XG: variants seen among roughly 807,000 people sequenced by gnomAD.
XG encodes glycoprotein Xg.
XG carries 24 observed loss-of-function variants against 25.7 expected under a neutral mutation model. The ratio of observed to expected loss-of-function variants is 0.93; its 90% CI spans 0.68 to 1.31. The LOEUF (loss-of-function observed/expected upper bound fraction) is 1.31. XG is among the 40% of genes most tolerant of loss of function. The probability of loss-of-function intolerance (pLI) is 0.00; values close to 1 mark genes in which losing one functional copy is unlikely to be tolerated. For synonymous variants in XG, 77 were observed against 69.2 expected, an observed-to-expected ratio of 1.11 and a Z score of -0.56; for missense variants, 181 against 187.6, an observed-to-expected ratio of 0.96 and a Z score of 0.21.
At position 2,772,242 on chromosome X, in the gene XG, G is replaced by T. The variant is rs188307441; in HGVS notation, c.103+1651G>T. Among the ~76,000 whole-genome samples, 17 of 152,174 alleles carry T rather than the reference G, an allele frequency of 1.1e-4. No individual in the cohort carries two copies. The East Asian group carries it at 3.3e-3, about 29-fold the overall frequency. On this transcript the variant is annotated intron_variant, in intron 2 of 10. Coordinates refer to ENST00000644266, the MANE Select transcript of XG (RefSeq NM_001141919.2). ...AGATACCCAAGAGAATTGGGAGCAG[G>T]GACTCAAACAGTTATTTGTGTACCC... is the stretch of plus-strand genomic sequence containing the variant.
At chrX:2,775,141 T>C (rs1377667992) in intron 3 of XG, 3 of 208,756 alleles carry the variant, frequency 1.4e-5, no homozygotes, top group East Asian at 2.1e-4. Flanking sequence ...CTCAAAATAA[T>C]TGAAAACACG....
In XG at chrX:2,794,591, C is replaced by A. The variant is rs759454030; in HGVS notation, c.310C>A (p.Arg104=). 3.3e-6 allele frequency: 4 copies of A among 1,210,885 alleles called. No individual in the cohort carries two copies. The highest frequency in any genetic ancestry group is 4.4e-5 in the Admixed American group (2 of 45,968). ...ACGCTACCCGCCCAGGCCCAGGCCA[C>A]GGCCGCCTGCAGGTAGGTGCCGAGC... ...DGRYPPRPRP[R]PPAGGGGGGY... The change falls in exon 6 of 11, where the codon CGG becomes AGG. Residue 104 remains arginine, a synonymous_variant. Transcript: ENST00000644266.
chrX:2,808,255 T>C (rs1218200629), intron 9 of XG, 35 bp downstream of exon 9: 2 of 1,202,908 alleles, frequency 1.7e-6, no homozygotes, highest in Non-Finnish European at 2.2e-6. Context: ...CAACCTTTAA[T>C]AAGAGCACAC....
chrX:2,755,127 C>T (rs1461815063), intron 1 of XG, among the ~76,000 whole-genome samples: 7 of 152,200 alleles, frequency 4.6e-5, no homozygotes, highest in Middle Eastern at 3.4e-3. Flanking sequence ...GAAAGGGGTC[C>T]GGATCCAGAC....
intron 1 of XG, among the ~76,000 whole-genome samples, chrX:2,761,202 G>A (rs1297457917): frequency 6.6e-6 from 1 of 151,978 alleles, no homozygotes; most frequent in Admixed American, 6.6e-5. Context: ...ATGAGCTCAG[G>A]AGGTTGTGCC....
In XG at chrX:2,811,365, A is replaced by G. The variant is rs2087053962; in HGVS notation, c.484A>G (p.Ile162Val). 1 of 1,208,780 alleles carries G rather than the reference A, an allele frequency of 8.3e-7. No individual in the cohort carries two copies. Reference sequence around the variant, plus strand: ...TATGGTAGCAAAAATCGTGTCTCCCATCGTATCCGTGGTGGTGGTGACACT... The same window carrying G: ...TATGGTAGCAAAAATCGTGTCTCCCGTCGTATCCGTGGTGGTGGTGACACT... ...GNMVAKIVSPIVSVVVVTLLG... is the reference protein window; with the variant it reads ...GNMVAKIVSPVVSVVVVTLLG... The change falls in exon 10 of 11, where the codon ATC (isoleucine) becomes GTC (valine). Residue 162 changes from isoleucine (I) to valine (V), a missense_variant. Physicochemically the swap from Ile to Val is conservative, Grantham distance 29. Transcript: ENST00000644266.
intron 1 of XG, among the ~76,000 whole-genome samples, chrX:2,756,463 A>C (rs894532204): frequency 6.6e-6 from 1 of 152,242 alleles, no homozygotes; most frequent in Non-Finnish European, 1.5e-5. Context: ...TTCTAATATG[A>C]AGGAAAGACA....
intron 1 of XG, among the ~76,000 whole-genome samples, chrX:2,760,461 T>G (rs2050538114): frequency 6.6e-6 from 1 of 150,950 alleles, no homozygotes; most frequent in South Asian, 2.1e-4. Context: ...TCAGGCTGGG[T>G]GCGGTGGCTC....
chrX:2,813,902 C>T (rs907220433), intron 10 of XG, among the ~76,000 whole-genome samples: 1 of 112,297 alleles, frequency 8.9e-6, no homozygotes, highest in African/African-American at 3.2e-5. Flanking sequence ...GTTTTCAAAA[C>T]GAATATTTGT....
chrX:2,796,999 C>T (rs759065728), intron 6 of XG, among the ~76,000 whole-genome samples: 3 of 112,104 alleles, frequency 2.7e-5, no homozygotes, highest in East Asian at 2.8e-4. Flanking sequence ...GATCTCATAT[C>T]AGTTTCTCGG....
At chrX:2,798,192 C>T (rs1358370775) in intron 7 of XG, among the ~76,000 whole-genome samples, 1 of 111,485 alleles carries the variant, frequency 9.0e-6, no homozygotes, top group African/African-American at 3.3e-5. Flanking sequence ...ACCAGGGGAC[C>T]TTGAAACCCT....
rs1406668933 is a variant in XG, at chrX:2,756,598, TTAA to T, written c.61+4264_61+4266del. 6.9e-5 allele frequency among the ~76,000 whole-genome samples: 6 copies of T among 86,710 alleles called. No homozygotes were observed. In the South Asian group the frequency reaches 1.5e-3, roughly 21 times the overall value. The allele number at this position is 86,710 out of a possible 152,430, so 56.9% of individuals were successfully genotyped here. A position where few individuals can be genotyped will look rare whatever the true frequency, so the allele number is the denominator to read the frequency against. On this transcript the variant is annotated intron_variant, in intron 1 of 10. Transcript: ENST00000644266. ...CTGTTATGCATCAATTAAAAATAAATTAAAAGAAAAGGATATATGTCCAGGATA... is the reference window on the plus strand; with the variant it reads ...CTGTTATGCATCAATTAAAAATAAATAAGAAAAGGATATATGTCCAGGATA...
rs1603301035 is a variant in XG, at chrX:2,752,143, C to T, written c.-132C>T. On this transcript the variant is annotated 5_prime_UTR_variant, in exon 1 of 11. Transcript: ENST00000644266. ...TTCTGGCAGTTCCGCTCATATTTTC[C>T]ACTTGAAGACATCGCCTCCCTTCCT... 6.8e-7 allele frequency: 1 copy of T among 1,468,098 alleles called. No individual in the cohort carries two copies. Among genetic ancestry groups the T allele is most frequent in the African/African-American group, 1.4e-5 (1 of 71,156 alleles). 90.9% of individuals were successfully genotyped at this position (1,468,098 alleles called of 1,614,324 possible). A position where few individuals can be genotyped will look rare whatever the true frequency, so the allele number is the denominator to read the frequency against.
At chrX:2,808,615 A>C in intron 9 of XG, 2 of 712,093 alleles carry the variant, frequency 2.8e-6, no homozygotes, top group Non-Finnish European at 3.3e-6. Context: ...ATCAGAGTGC[A>C]CTGTCAATCC....
chrX:2,797,077 T>A (rs948290495), intron 6 of XG, among the ~76,000 whole-genome samples: 9 of 111,227 alleles, frequency 8.1e-5, no homozygotes, highest in Non-Finnish European at 1.3e-4. Context: ...GACGGCAAAG[T>A]GTTTTTGATA....
chrX:2,760,847 A>G (rs962518337), intron 1 of XG, among the ~76,000 whole-genome samples: 1 of 151,924 alleles, frequency 6.6e-6, no homozygotes, highest in African/African-American at 2.4e-5. Flanking sequence ...AGACACAGAC[A>G]TGCACACAGG....
At chrX:2,752,623 A>C (rs1350381789) in intron 1 of XG, among the ~76,000 whole-genome samples, 2 of 152,188 alleles carry the variant, frequency 1.3e-5, no homozygotes, top group Non-Finnish European at 2.9e-5. Flanking sequence ...GCGTTTAAAA[A>C]ATGACCTATT....
At chrX:2,777,009 T>C (rs1369497367) in intron 3 of XG, among the ~76,000 whole-genome samples, 2 of 152,076 alleles carry the variant, frequency 1.3e-5, no homozygotes, top group African/African-American at 4.8e-5. Context: ...TGTTGGAGAG[T>C]GATGATAGCA....
chrX:2,796,719 G>T (rs1224295117), intron 6 of XG, among the ~76,000 whole-genome samples: 1 of 111,341 alleles, frequency 9.0e-6, no homozygotes, highest in Non-Finnish European at 1.9e-5. Flanking sequence ...GGCCTGTTTA[G>T]TTCTGCAATT....
Sources: allele counts gnomAD v4.1 joint callset (sites outside exome capture counted in the v4.1 genomes callset), GRCh38; gene constraint gnomAD v4.1.1; transcripts MANE v1.5; gene names NCBI Gene and HGNC (gene_info 2026-07-23, HGNC 2026-07-21).